MYO5B: variants seen among roughly 807,000 people sequenced by gnomAD.
MYO5B encodes the protein myosin VB, also known as unconventional myosin-Vb.
MYO5B carries 143 observed loss-of-function variants against 229.3 expected under a neutral mutation model. The observed-to-expected ratio is 0.62, with a 90% confidence interval of 0.54 to 0.72. The LOEUF (loss-of-function observed/expected upper bound fraction) is 0.72, where lower values mean the gene tolerates loss of function less well. Ranked by LOEUF, MYO5B falls within the 30% of genes least tolerant of loss-of-function variation. MYO5B has a pLI of 0.00. For synonymous variants in MYO5B, 918 were observed against 885.2 expected (o/e 1.04, Z -0.66); for missense variants, 2,321 against 2,331.0 (o/e 1.00, Z 0.09).
At chr18:50,142,096 G>C (rs2032426448) in intron 1 of MYO5B, among the ~76,000 whole-genome samples, 1 of 152,164 alleles carries the variant, frequency 6.6e-6, no homozygotes, top group Non-Finnish European at 1.5e-5. Flanking sequence ...CCAATCTAAT[G>C]CATCTGTCAG....
chr18:50,051,973 C>T (rs1188338575), intron 2 of MYO5B, among the ~76,000 whole-genome samples: 1 of 152,132 alleles, frequency 6.6e-6, no homozygotes, highest in African/African-American at 2.4e-5. Flanking sequence ...ATGTAAATAC[C>T]ACTGAGTTGC....
chr18:50,111,859 A>G (rs2031870814), intron 1 of MYO5B, among the ~76,000 whole-genome samples: 1 of 152,106 alleles, frequency 6.6e-6, no homozygotes, highest in Non-Finnish European at 1.5e-5. Flanking sequence ...CTCTTCCTAT[A>G]AGGCACCTTG....
chr18:49,939,519 T>G (rs766374337), intron 14 of MYO5B, among the ~76,000 whole-genome samples: 7 of 152,178 alleles, frequency 4.6e-5, no homozygotes, highest in Non-Finnish European at 8.8e-5. Context: ...AGAAACAACA[T>G]AGAATTTTAG....
chr18:50,111,356 C>G (rs2031861011), intron 1 of MYO5B, among the ~76,000 whole-genome samples: 1 of 152,200 alleles, frequency 6.6e-6, no homozygotes, highest in African/African-American at 2.4e-5. Context: ...GCAAAGGGCA[C>G]TGAATAGTAA....
intron 8 of MYO5B, 115 bp downstream of exon 8, chr18:49,984,603 C>T: frequency 1.3e-6 from 1 of 798,714 alleles, no homozygotes; most frequent in East Asian, 2.5e-5. Flanking sequence ...GGCAAGAGGG[C>T]ATCTCCCATT....
intron 3 of MYO5B, among the ~76,000 whole-genome samples, chr18:50,039,687 T>C (rs988079960): frequency 6.6e-6 from 1 of 152,212 alleles, no homozygotes; most frequent in Non-Finnish European, 1.5e-5. Flanking sequence ...AAATATGTTA[T>C]GAATTTTGCT....
At chr18:49,860,946 C>T (rs143137979) in intron 29 of MYO5B, among the ~76,000 whole-genome samples, 1 of 152,364 alleles carries the variant, frequency 6.6e-6, no homozygotes, top group East Asian at 1.9e-4. Context: ...CACAGAATCC[C>T]AGTTGGGTCC....
At chr18:49,899,315 GC>G (rs1218468699) in intron 21 of MYO5B, among the ~76,000 whole-genome samples, 1 of 152,152 alleles carries the variant, frequency 6.6e-6, no homozygotes, top group Non-Finnish European at 1.5e-5. Context: ...AATGAAACAA[GC>G]CCCTATATAG....
At chr18:49,996,581 T>C (rs1446638967) in intron 5 of MYO5B, among the ~76,000 whole-genome samples, 24 of 152,232 alleles carry the variant, frequency 1.6e-4, no homozygotes, top group Admixed American at 1.5e-3. Context: ...ACTTATGGTA[T>C]AACAATCTTT....
intron 1 of MYO5B, among the ~76,000 whole-genome samples, chr18:50,114,703 C>G (rs1180618230): frequency 6.6e-6 from 1 of 152,224 alleles, no homozygotes; most frequent in Non-Finnish European, 1.5e-5. Context: ...GTTCATCCTT[C>G]TACTTGAGTG....
intron 14 of MYO5B, among the ~76,000 whole-genome samples, chr18:49,938,261 G>A (rs1328844380): frequency 1.3e-5 from 2 of 152,120 alleles, no homozygotes; most frequent in Non-Finnish European, 2.9e-5. Context: ...CTAAATAAGA[G>A]GTTAATATCT....
intron 14 of MYO5B, among the ~76,000 whole-genome samples, chr18:49,938,409 G>A (rs1408364470): frequency 6.6e-6 from 1 of 152,000 alleles, no homozygotes; most frequent in South Asian, 2.1e-4. Context: ...CTAGAATAAA[G>A]TATTACAAGG....
chr18:50,078,804 G>C (rs2031147500), intron 1 of MYO5B, among the ~76,000 whole-genome samples: 3 of 150,842 alleles, frequency 2.0e-5, no homozygotes, highest in African/African-American at 7.5e-5. Context: ...ATGCCCAGCA[G>C]CTTTTTTTTG....
At chr18:49,907,617 C>A (rs2024913917) in intron 18 of MYO5B, among the ~76,000 whole-genome samples, 1 of 152,248 alleles carries the variant, frequency 6.6e-6, no homozygotes, top group Non-Finnish European at 1.5e-5. Flanking sequence ...AAGGAAAATA[C>A]ACACACAACA....
At chr18:49,997,883 T>C (rs1034440339) in intron 5 of MYO5B, among the ~76,000 whole-genome samples, 2 of 151,922 alleles carry the variant, frequency 1.3e-5, no homozygotes, top group African/African-American at 2.4e-5. Flanking sequence ...ACCGATTGCT[T>C]TGTTGGGAGG....
At chr18:50,037,049 T>C in intron 3 of MYO5B, 55 bp from the exon 4 acceptor site, 1 of 1,607,188 alleles carries the variant, frequency 6.2e-7, no homozygotes, top group Non-Finnish European at 8.5e-7. Flanking sequence ...CCTGGCATTA[T>C]TAGCTCAAGG....
At chr18:49,843,499 C>T (rs1316955728) in intron 33 of MYO5B, 107 bp from the exon 34 acceptor site, 1 of 1,377,762 alleles carries the variant, frequency 7.3e-7, no homozygotes, top group Admixed American at 1.8e-5. Context: ...CCCCATAGCT[C>T]ATCTAGGAAT....
At chr18:50,050,466 C>CA (rs1402862461) in intron 2 of MYO5B, among the ~76,000 whole-genome samples, 3 of 152,216 alleles carry the variant, frequency 2.0e-5, no homozygotes, top group Non-Finnish European at 4.4e-5. Flanking sequence ...ATAATGTCTT[C>CA]ATATGTTCAG....
intron 1 of MYO5B, among the ~76,000 whole-genome samples, chr18:50,069,945 G>A (rs1441323461): frequency 6.6e-6 from 1 of 151,296 alleles, no homozygotes; most frequent in African/African-American, 2.4e-5. Flanking sequence ...TCAAATTCAG[G>A]ATCCACTCTC....
Sources: gnomAD v4.1 joint callset for allele counts (sites outside exome capture counted in the v4.1 genomes callset) on GRCh38, gnomAD v4.1.1 for gene constraint, MANE v1.5 for transcripts, NCBI Gene and HGNC (gene_info 2026-07-23, HGNC 2026-07-21) for gene names.